Variants in MAP7D1 observed in about 807,000 individuals in gnomAD.
MAP7D1 encodes the protein MAP7 domain-containing protein 1.
MAP7D1 carries 30 observed loss-of-function variants against 97.5 expected under a neutral mutation model. The observed-to-expected ratio is 0.31, with a 90% CI of 0.23 to 0.42. MAP7D1 has a LOEUF of 0.42. MAP7D1 is among the 10% of genes least tolerant of loss of function. MAP7D1 has a pLI of 1.00. For synonymous variants in MAP7D1, 536 were observed against 477.1 expected, an observed-to-expected ratio of 1.12 and a Z score of -1.61; for missense variants, 1,184 against 1,179.5, an observed-to-expected ratio of 1.00 and a Z score of -0.06.
chr1:36,158,528 T>A (rs1644367444), intron 1 of MAP7D1, among the ~76,000 whole-genome samples: 1 of 152,126 alleles, frequency 6.6e-6, no homozygotes, highest in Non-Finnish European at 1.5e-5. Flanking sequence ...TGGATGGAAA[T>A]CCCAGTTAGC....
rs748553415 is a variant in MAP7D1, at chr1:36,180,234, CTG to C, written c.2513-12_2513-11del. The C allele has an allele frequency of 6.2e-7, 1 of 1,614,192 alleles. No individual in the cohort carries two copies. Among genetic ancestry groups the C allele is most frequent in the Admixed American group, 1.7e-5 (1 of 60,022 alleles). Reference sequence around the variant, plus strand: ...CTGTTTGCCCTGACTGTTTCCCTTCCTGTTTTTCCCCAGAAGTCCTTTAAGAG... The same window carrying C: ...CTGTTTGCCCTGACTGTTTCCCTTCCTTTTTCCCCAGAAGTCCTTTAAGAG... On this transcript the variant is annotated splice_polypyrimidine_tract_variant and intron_variant, in intron 16 of 16. Transcript: ENST00000474796.
In MAP7D1 at chr1:36,172,546, G is replaced by A. The variant is rs1358934707; in HGVS notation, c.543G>A (p.Arg181=). ...AGCAGCTCCAGGAGCGCCGGCGCCG[G>A]CTGGAGGAGCAACGTCTTAAAGCCG... is the stretch of plus-strand genomic sequence containing the variant. ...REKQLQERRR[R]LEEQRLKAEQ... Residue 181 remains arginine (R), a synonymous_variant, in exon 4 of 17, where the codon CGG becomes CGA. Coordinates refer to ENST00000474796, the MANE Select transcript of MAP7D1 (RefSeq NM_001388490.1). 2.7e-5 allele frequency: 43 copies of A among 1,603,210 alleles called. No individual in the cohort carries two copies. Among genetic ancestry groups the A allele is most frequent in the Non-Finnish European group, 3.5e-5 (41 of 1,171,956 alleles).
intron 1 of MAP7D1, 38 bp downstream of exon 1, chr1:36,156,501 A>C: frequency 7.1e-7 from 1 of 1,399,580 alleles, no homozygotes; most frequent in South Asian, 1.5e-5. Flanking sequence ...ATGGGGGTAG[A>C]TGGAGGGGCT....
rs1557767605 is a variant in MAP7D1, at chr1:36,156,173, C to A, written c.-245C>A. The A allele has an allele frequency of 2.4e-6, 1 of 414,986 alleles. No homozygotes were observed. Among genetic ancestry groups the A allele is most frequent in the Non-Finnish European group, 4.2e-6 (1 of 236,922 alleles). The allele number at this position is 414,986 out of a possible 1,614,324, so 25.7% of individuals were successfully genotyped here. Reference sequence around the variant, plus strand: ...CGGTACAATAGGGTTGGGCCGAGGCCGGGACTGGGCCGGCGCCGGGCGGGG... The same window carrying A: ...CGGTACAATAGGGTTGGGCCGAGGCAGGGACTGGGCCGGCGCCGGGCGGGG... On this transcript the variant is annotated 5_prime_UTR_variant, in exon 1 of 17. Coordinates refer to ENST00000474796, the MANE Select transcript of MAP7D1 (RefSeq NM_001388490.1).
intron 9 of MAP7D1, 34 bp downstream of exon 9, chr1:36,178,235 C>G: frequency 2.7e-5 from 41 of 1,504,764 alleles, no homozygotes; most frequent in Non-Finnish European, 3.4e-5. Flanking sequence ...GTGGGCCGAG[C>G]GAGAGAAGCC....
chr1:36,172,686 G>T (rs979121664), intron 4 of MAP7D1, 59 bp downstream of exon 4: 7 of 1,455,900 alleles, frequency 4.8e-6, no homozygotes, highest in Non-Finnish European at 6.4e-6. Context: ...GCATACTGGT[G>T]CAGTGTGTAC....
chr1:36,177,623 G>GT (rs746032760), intron 8 of MAP7D1: 52 of 733,342 alleles, frequency 7.1e-5, no homozygotes, highest in South Asian at 1.5e-5. Flanking sequence ...CCCAAGCATG[G>GT]TTTTTTCTCT....
chr1:36,161,391 A>C (rs950642460), intron 1 of MAP7D1, among the ~76,000 whole-genome samples: 5 of 152,210 alleles, frequency 3.3e-5, no homozygotes, highest in African/African-American at 4.8e-5. Context: ...GAGGGAACCC[A>C]GGAGGCTGTC....
intron 1 of MAP7D1, among the ~76,000 whole-genome samples, chr1:36,161,829 G>A (rs534733262): frequency 2.6e-5 from 4 of 151,808 alleles, no homozygotes; most frequent in East Asian, 3.9e-4. Flanking sequence ...GATATGTGTA[G>A]AGTTTTGAAT....
At chr1:36,172,343 C>A in intron 3 of MAP7D1, 121 bp from the exon 4 acceptor site, 2 of 973,534 alleles carry the variant, frequency 2.1e-6, no homozygotes, top group Non-Finnish European at 2.8e-6. Context: ...TCCACCTAAG[C>A]AGGCGGGAGA....
rs1644561278 is a variant in MAP7D1, at chr1:36,172,591, G to A, written c.588G>A (p.Leu196=). 1 of 1,579,474 alleles carries A rather than the reference G, an allele frequency of 6.3e-7. No individual in the cohort carries two copies. ...RLKAEQRRAA[L]EERQRQKLEK... ...AAGCCGAGCAACGCCGTGCAGCCCT[G>A]GAGGAACGGCAGCGGCAGAAGCTCG... The change falls in exon 4 of 17, where the codon CTG becomes CTA. Residue 196 remains leucine (L), a synonymous_variant. Transcript: ENST00000474796.
intron 5 of MAP7D1, 89 bp from the exon 6 acceptor site, chr1:36,174,809 C>A (rs928676937): frequency 2.5e-5 from 18 of 716,832 alleles, no homozygotes; most frequent in Non-Finnish European, 4.2e-5. Context: ...TCCCACCCCG[C>A]CCTCGGAGCA....
At chr1:36,163,518 C>T (rs1644437791) in intron 1 of MAP7D1, among the ~76,000 whole-genome samples, 1 of 152,152 alleles carries the variant, frequency 6.6e-6, no homozygotes, top group Admixed American at 6.5e-5. Context: ...ATGTGATTTG[C>T]TCCATAACAC....
chr1:36,177,197 G>A (rs1023981253), intron 8 of MAP7D1, among the ~76,000 whole-genome samples: 4 of 152,140 alleles, frequency 2.6e-5, no homozygotes, highest in African/African-American at 7.2e-5. Context: ...TGATCCACCC[G>A]CCTTGGCCTC....
Position 36,171,028 on chromosome 1 carries a change from C to G in MAP7D1, c.104C>G (p.Pro35Arg), listed in dbSNP as rs1158080661. 6 of 1,558,290 alleles carry G rather than the reference C, an allele frequency of 3.9e-6. No individual in the cohort carries two copies. The highest frequency in any genetic ancestry group is 5.3e-6 in the Non-Finnish European group (6 of 1,139,932). The change falls in exon 2 of 17, where the codon CCC becomes CGC. Residue 35 changes from proline to arginine, a missense_variant. By Grantham distance (103) the Pro-to-Arg change is moderately radical. Transcript: ENST00000474796. ...CCTTCTCCAGAAGGTGACCCTTCCC[C>G]CCCACCACCACCAATGTCAGCCCTG... ...PRPSPEGDPSPPPPPMSALVP... is the reference protein window; with the variant it reads ...PRPSPEGDPSRPPPPMSALVP...
At position 36,176,675 on chromosome 1, in the gene MAP7D1, TC is replaced by T. The variant is rs149893759; in HGVS notation, c.1234-20del. The stretch of plus-strand genomic sequence containing the variant: ...GCGCTGCTGACCTCTACTCTCCTCT[TC>T]CGTTCCTCCTTCCCTGCCAGGTGCA... On this transcript the variant is annotated intron_variant, in intron 7 of 16. Transcript: ENST00000474796. The surrounding 1 kb of genome is among the most constrained non-coding windows in gnomAD (Gnocchi z 6.1). 6.2e-4 allele frequency: 995 copies of T among 1,606,250 alleles called. 3 individuals are homozygous for T. The African/African-American group carries it at 0.012, about 19-fold the overall frequency.
chr1:36,177,861 C>G lies in MAP7D1; in HGVS notation c.1380-12C>G. On this transcript the variant is annotated splice_polypyrimidine_tract_variant and intron_variant, in intron 8 of 16. Coordinates refer to ENST00000474796, the MANE Select transcript of MAP7D1 (RefSeq NM_001388490.1). ...GTGTCTCCTAACCCTTCCCTTTTCC[C>G]TTTTCTCTTAGCCCCAAATCCAAGG... The G allele has an allele frequency of 1.3e-6, 2 of 1,525,766 alleles. No homozygotes were observed. The highest frequency in any genetic ancestry group is 8.8e-7 in the Non-Finnish European group (1 of 1,137,822). 94.5% of individuals were successfully genotyped at this position (1,525,766 alleles called of 1,614,324 possible).
chr1:36,171,976 C>G (rs908631294), intron 3 of MAP7D1: 15 of 210,156 alleles, frequency 7.1e-5, no homozygotes, highest in Admixed American at 4.3e-4. Flanking sequence ...TTCTGCAACA[C>G]TTAATTATGT....
intron 16 of MAP7D1, 86 bp from the exon 17 acceptor site, chr1:36,180,162 C>A (rs1644697208): frequency 1.2e-6 from 2 of 1,609,892 alleles, no homozygotes; most frequent in African/African-American, 2.7e-5. Context: ...TGCCAGGCAC[C>A]CTCTCCTGCT....
Sources: allele counts gnomAD v4.1 joint callset (sites outside exome capture counted in the v4.1 genomes callset), GRCh38; gene constraint gnomAD v4.1.1; non-coding constraint Gnocchi (gnomAD v3.1); transcripts MANE v1.5; gene names NCBI Gene and HGNC (gene_info 2026-07-23, HGNC 2026-07-21).